The following MUC12 variants were observed in gnomAD, a reference collection of about 807,000 sequenced individuals.
The protein encoded by MUC12 is mucin-12.
MUC12 carries 172 observed loss-of-function variants against 230.8 expected under a neutral mutation model. That is an observed-to-expected ratio of 0.75 (90% confidence interval 0.66 to 0.85). MUC12 has a LOEUF of 0.85. MUC12 is among the 40% of genes least tolerant of loss of function. The probability of loss-of-function intolerance (pLI) is 0.00; values close to 1 mark genes in which losing one functional copy is unlikely to be tolerated. For missense variants in MUC12, 3,506 were observed against 5,920.6 expected (o/e 0.59, Z 13.38); for synonymous variants, 1,259 against 2,401.9 (o/e 0.52, Z 13.91).
chr7:100,987,060 G>GTTTTTTTTT (rs1176844989), intron 1 of MUC12, among the ~76,000 whole-genome samples: 8 of 91,336 alleles, frequency 8.8e-5, no homozygotes, highest in African/African-American at 3.1e-4. Context: ...CAAGATAATG[G>GTTTTTTTTT]TTTTTTTTTT....
chr7:100,991,594 C>A lies in MUC12; in HGVS notation c.1031C>A (p.Pro344His). 2 of 1,536,272 alleles carry A rather than the reference C, an allele frequency of 1.3e-6. No homozygotes were observed. The highest frequency in any genetic ancestry group is 1.7e-6 in the Non-Finnish European group (2 of 1,146,228). ...HSSPVATATTPPPARSATSGH... is the reference protein window; with the variant it reads ...HSSPVATATTHPPARSATSGH... Reference sequence around the variant, plus strand: ...AGCCCAGTTGCAACTGCAACAACACCCCCACCTGCCCGCTCCGCGACCTCA... The same window carrying A: ...AGCCCAGTTGCAACTGCAACAACACACCCACCTGCCCGCTCCGCGACCTCA... Residue 344 changes from proline (P) to histidine (H), a missense_variant, in exon 2 of 12, where the codon CCC becomes CAC. Coordinates refer to ENST00000536621, the MANE Select transcript of MUC12 (RefSeq NM_001164462.2).
chr7:100,991,858 G>A lies in MUC12; in HGVS notation c.1295G>A (p.Gly432Asp). The change falls in exon 2 of 12, where the codon GGC becomes GAC. Residue 432 changes from glycine to aspartate, a missense_variant. Transcript: ENST00000536621. ...TTCCGTGATAGCTCCACAATCTCAG[G>A]CCGTAGTGAGGAATCAAAAGCATCC... ...THFRDSSTIS[G>D]RSEESKASHS... 12 of 1,537,644 alleles carry A rather than the reference G, an allele frequency of 7.8e-6. No individual in the cohort carries two copies. The highest frequency in any genetic ancestry group is 1.0e-5 in the Non-Finnish European group (12 of 1,146,824).
intron 4 of MUC12, 23 bp downstream of exon 4, chr7:101,008,784 C>T (rs760112968): frequency 1.4e-5 from 21 of 1,533,728 alleles, no homozygotes; most frequent in Non-Finnish European, 1.8e-5. Flanking sequence ...CACACCCAGA[C>T]ACCCCAGGGT....
chr7:100,988,698 C>G (rs1406762126), intron 1 of MUC12, among the ~76,000 whole-genome samples: 2 of 152,106 alleles, frequency 1.3e-5, no homozygotes, highest in East Asian at 3.9e-4. Context: ...TCAAAGGGGT[C>G]TCTCAGATGT....
At chr7:100,979,861 T>C (rs1793080303) in intron 1 of MUC12, among the ~76,000 whole-genome samples, 1 of 151,634 alleles carries the variant, frequency 6.6e-6, no homozygotes, top group Non-Finnish European at 1.5e-5. Flanking sequence ...TTCACACACA[T>C]TTATTGTGTT....
intron 8 of MUC12, 105 bp downstream of exon 8, chr7:101,013,247 G>A (rs1454384066): frequency 9.1e-6 from 12 of 1,322,904 alleles, no homozygotes; most frequent in Admixed American, 2.1e-5. Context: ...AGCTTGGGAG[G>A]TGCCTCCTCC....
chr7:101,009,278 C>T, intron 5 of MUC12, 119 bp downstream of exon 5: 2 of 1,010,896 alleles, frequency 2.0e-6, no homozygotes, highest in Non-Finnish European at 3.0e-6. Context: ...GAGAGTCCTG[C>T]AGCCGCTAGG....
chr7:100,995,486 C>T lies in MUC12; in HGVS notation c.4923C>T (p.Ser1641=). 5 of 1,534,160 alleles carry T rather than the reference C, an allele frequency of 3.3e-6. No individual in the cohort carries two copies. Among genetic ancestry groups the T allele is most frequent in the Middle Eastern group, 1.7e-4 (1 of 5,940 alleles). ...ESTTFHSSPG[S]TETTLLPDNT... is the part of the protein sequence containing the mutation. ...CTACTTTCCACAGCAGCCCAGGCTC[C>T]ACTGAAACAACACTCTTACCTGACA... Residue 1641 remains serine (S), a synonymous_variant, in exon 2 of 12, where the codon TCC becomes TCT. Coordinates refer to ENST00000536621, the MANE Select transcript of MUC12 (RefSeq NM_001164462.2).
At chr7:101,011,832 A>T (rs1793843127) in intron 5 of MUC12, among the ~76,000 whole-genome samples, 1 of 152,206 alleles carries the variant, frequency 6.6e-6, no homozygotes, top group South Asian at 2.1e-4. Flanking sequence ...GCTATGGTAA[A>T]TAATGCTACT....
Position 100,981,233 on chromosome 7 carries a change from C to G in MUC12, c.68-9398C>G, listed in dbSNP as rs1793099633. The G allele has an allele frequency of 9.9e-6, 4 of 403,478 alleles. No individual in the cohort carries two copies. In the Admixed American group the frequency reaches 1.8e-4, roughly 18 times the overall value. The allele number at this position is 403,478 out of a possible 1,614,324, so 25.0% of individuals were successfully genotyped here. On this transcript the variant is annotated intron_variant, in intron 1 of 11. Transcript: ENST00000536621. ...TAGCTTCCTTGTGGAGCACCCTGAC[C>G]CTGGAGGTTGAACTGGAGAAGGACC...
At chr7:100,982,811 C>G (rs573165447) in intron 1 of MUC12, among the ~76,000 whole-genome samples, 27 of 152,160 alleles carry the variant, frequency 1.8e-4, no homozygotes, top group Non-Finnish European at 2.8e-4. Flanking sequence ...CTCACTGCAG[C>G]CTTGAGCTCC....
intron 1 of MUC12, 26 bp from the exon 2 acceptor site, chr7:100,990,605 T>C (rs1188283010): frequency 3.3e-6 from 5 of 1,537,098 alleles, no homozygotes; most frequent in Admixed American, 3.9e-5. Context: ...ATCATAGCAC[T>C]TTCTCTGGTT....
chr7:100,982,942 C>T (rs1345209303), intron 1 of MUC12, among the ~76,000 whole-genome samples: 1 of 151,728 alleles, frequency 6.6e-6, no homozygotes, highest in Non-Finnish European at 1.5e-5. Flanking sequence ...GATATGTTGC[C>T]CAGGTTGGTC....
chr7:100,982,593 C>T (rs114610177), intron 1 of MUC12, among the ~76,000 whole-genome samples: 216 of 152,004 alleles, frequency 1.4e-3, no homozygotes, highest in African/African-American at 4.3e-3. Flanking sequence ...CACAGCACCA[C>T]GCCTGACTAA....
Position 101,004,639 on chromosome 7 carries a change from A to T in MUC12, c.14076A>T (p.Thr4692=), listed in dbSNP as rs11772963. 1 of 1,537,376 alleles carries T rather than the reference A, an allele frequency of 6.5e-7. No individual in the cohort carries two copies. The highest frequency in any genetic ancestry group is 8.7e-7 in the Non-Finnish European group (1 of 1,146,912). The part of the protein sequence containing the change: ...ESTASHSSPD[T]NGITPLPAHF... ...CAGCATCCCACAGCAGCCCAGATAC[A>T]AATGGAATCACACCCTTACCTGCCC... The change falls in exon 2 of 12, where the codon ACA becomes ACT. Residue 4692 remains threonine, a synonymous_variant. Coordinates refer to ENST00000536621, the MANE Select transcript of MUC12 (RefSeq NM_001164462.2).
intron 3 of MUC12, among the ~76,000 whole-genome samples, chr7:101,008,306 C>T (rs1407618472): frequency 6.6e-6 from 1 of 151,734 alleles, no homozygotes; most frequent in Non-Finnish European, 1.5e-5. Context: ...TTTTTATTTT[C>T]GTGGAGACAG....
In MUC12 at chr7:100,992,251, T is replaced by G. The variant is rs1483380091; in HGVS notation, c.1688T>G (p.Leu563Trp). The change falls in exon 2 of 12, where the codon TTG (leucine) becomes TGG (tryptophan). Residue 563 changes from leucine to tryptophan, a missense_variant. By Grantham distance (61) the Leu-to-Trp change is moderately conservative (BLOSUM62 -2). Transcript: ENST00000536621. ...AGCCCAGGCCCCACAGACACAACAT[T>G]GTCCCCTGGCAGTACCACAGCATCA... is the stretch of plus-strand genomic sequence containing the variant. Reference protein sequence around the residue: ...HSSPGPTDTTLSPGSTTASSL... With the variant: ...HSSPGPTDTTWSPGSTTASSL... 6.5e-7 allele frequency: 1 copy of G among 1,536,982 alleles called. No individual in the cohort carries two copies. Among genetic ancestry groups the G allele is most frequent in the Non-Finnish European group, 8.7e-7 (1 of 1,146,446 alleles).
chr7:100,982,296 A>AC (rs1231865926), intron 1 of MUC12, among the ~76,000 whole-genome samples: 2 of 151,902 alleles, frequency 1.3e-5, no homozygotes, highest in Non-Finnish European at 2.9e-5. Context: ...GTCTTCCCTC[A>AC]CCCCAAACAG....
At chr7:101,011,895 A>C (rs557109010) in intron 5 of MUC12, among the ~76,000 whole-genome samples, 1 of 152,312 alleles carries the variant, frequency 6.6e-6, no homozygotes, top group African/African-American at 2.4e-5. Context: ...GTTATTTTGT[A>C]TATATACCCA....
Sources: allele counts gnomAD v4.1 joint callset (sites outside exome capture counted in the v4.1 genomes callset), GRCh38; gene constraint gnomAD v4.1.1; transcripts MANE v1.5; gene names NCBI Gene and HGNC (gene_info 2026-07-23, HGNC 2026-07-21).